Variants in SRGAP1 observed in about 807,000 individuals in gnomAD.
SRGAP1 encodes SLIT-ROBO Rho GTPase-activating protein 1.
SRGAP1 carries 43 observed loss-of-function variants against 121.9 expected under a neutral mutation model. The observed-to-expected ratio is 0.35, with a 90% confidence interval of 0.28 to 0.46. SRGAP1 has a LOEUF of 0.46. SRGAP1 is among the 20% of genes least tolerant of loss of function. The probability of loss-of-function intolerance (pLI) is 1.00; values close to 1 mark genes in which losing one functional copy is unlikely to be tolerated. For missense variants in SRGAP1, 1,102 were observed against 1,350.9 expected, an observed-to-expected ratio of 0.82 and a Z score of 2.89; for synonymous variants, 447 against 485.4, an observed-to-expected ratio of 0.92 and a Z score of 1.04.
At chr12:63,897,828 G>A (rs1444010459) in intron 1 of SRGAP1, among the ~76,000 whole-genome samples, 1 of 152,156 alleles carries the variant, frequency 6.6e-6, no homozygotes, top group Non-Finnish European at 1.5e-5. Flanking sequence ...TTAGCCTTTG[G>A]ATTTGGGGGA....
chr12:63,937,649 T>G (rs2031708455), intron 1 of SRGAP1, among the ~76,000 whole-genome samples: 2 of 152,238 alleles, frequency 1.3e-5, no homozygotes, highest in Admixed American at 6.5e-5. Context: ...TTTTGATTTC[T>G]CTGTGTACAG....
At chr12:64,096,704 C>T (rs1202325781) in intron 14 of SRGAP1, among the ~76,000 whole-genome samples, 1 of 152,160 alleles carries the variant, frequency 6.6e-6, no homozygotes, top group Non-Finnish European at 1.5e-5. Flanking sequence ...TCTGCCTCTG[C>T]TCAAGACAGC....
chr12:64,117,528 C>G (rs572099226), intron 18 of SRGAP1, among the ~76,000 whole-genome samples: 1 of 152,268 alleles, frequency 6.6e-6, no homozygotes, highest in South Asian at 2.1e-4. Context: ...ATTTATCAAT[C>G]TTTTCCTTCA....
At chr12:64,067,740 G>A (rs1220294650) in intron 8 of SRGAP1, among the ~76,000 whole-genome samples, 1 of 152,102 alleles carries the variant, frequency 6.6e-6, no homozygotes, top group Admixed American at 6.5e-5. Context: ...TTCTCTTTGG[G>A]GATGAACTGA....
At chr12:63,851,579 C>T (rs1012808367) in intron 1 of SRGAP1, among the ~76,000 whole-genome samples, 1 of 149,942 alleles carries the variant, frequency 6.7e-6, no homozygotes, top group Non-Finnish European at 1.5e-5. Context: ...GTCTTCTTTT[C>T]TTTCTTTCTT....
At chr12:63,965,570 C>G (rs1474768905) in intron 1 of SRGAP1, among the ~76,000 whole-genome samples, 2 of 152,012 alleles carry the variant, frequency 1.3e-5, no homozygotes, top group Admixed American at 6.5e-5. Flanking sequence ...CTTTGTTAGG[C>G]TGAGGCAGGA....
chr12:63,902,126 G>A (rs1014657078), intron 1 of SRGAP1, among the ~76,000 whole-genome samples: 3 of 152,148 alleles, frequency 2.0e-5, no homozygotes, highest in Non-Finnish European at 2.9e-5. Context: ...ACCAGCCTGG[G>A]CAACATGGTG....
chr12:64,044,415 G>C (rs2035085216), intron 6 of SRGAP1, among the ~76,000 whole-genome samples: 1 of 152,150 alleles, frequency 6.6e-6, no homozygotes, highest in African/African-American at 2.4e-5. Flanking sequence ...TAGAGGTTCA[G>C]AGGGTTATCT....
intron 8 of SRGAP1, among the ~76,000 whole-genome samples, chr12:64,067,631 C>T (rs957147781): frequency 1.7e-4 from 26 of 151,854 alleles, no homozygotes; most frequent in South Asian, 4.2e-4. Flanking sequence ...ATTAGATTTT[C>T]GATAATCAGT....
chr12:64,080,364 G>A lies in SRGAP1; in HGVS notation c.1402G>A (p.Gly468Arg). The change falls in exon 10 of 22, where the codon GGA (glycine) becomes AGA (arginine). Residue 468 changes from glycine to arginine, a missense_variant. Gly to Arg is a moderately radical substitution (Grantham distance 125). This residue lies in a region of SRGAP1 where 747 missense variants were observed against 929.4 expected (regional missense o/e 0.80). Transcript: ENST00000355086. Reference protein sequence around the residue: ...AKHDLLQRTLGEGHRAEYMTT... With the variant: ...AKHDLLQRTLREGHRAEYMTT... ...ACATGACTTGCTGCAGAGGACCCTG[G>A]GAGAAGGTGAGTTATCCAAAATGTA... The A allele has an allele frequency of 1.2e-6, 2 of 1,613,106 alleles. No homozygotes were observed. The highest frequency in any genetic ancestry group is 1.7e-6 in the Non-Finnish European group (2 of 1,179,338).
At chr12:64,130,586 C>G (rs1191420143) in intron 21 of SRGAP1, among the ~76,000 whole-genome samples, 1 of 152,112 alleles carries the variant, frequency 6.6e-6, no homozygotes, top group Non-Finnish European at 1.5e-5. Context: ...GTATTGTCAC[C>G]TAGTTGGTGT....
At position 64,150,264 on chromosome 12, in the gene SRGAP1, C is replaced by G. The variant is rs1233853886; in HGVS notation, c.*7592C>G. On this transcript the variant is annotated 3_prime_UTR_variant, in exon 22 of 22. Transcript: ENST00000355086. ...TGAAGGCAGTTATGGCAGCATGATCCAGGAGATCGTCAGCTCTAGGATATT... is the reference window on the plus strand; with the variant it reads ...TGAAGGCAGTTATGGCAGCATGATCGAGGAGATCGTCAGCTCTAGGATATT... 1 of 152,098 alleles carries G rather than the reference C, an allele frequency of 6.6e-6. No individual in the cohort carries two copies. Among genetic ancestry groups the G allele is most frequent in the African/African-American group, 2.4e-5 (1 of 41,412 alleles). The allele number at this position is 152,098 out of a possible 1,614,324, so 9.4% of individuals were successfully genotyped here.
In SRGAP1 at chr12:64,063,004, G is replaced by T; in HGVS notation, c.889G>T (p.Glu297Ter). ...AEYNLETSRH[E>*]GLDIIENAVD... is the part of the protein sequence containing the mutation. The stretch of plus-strand genomic sequence containing the variant: ...GTACAACCTTGAAACCTCCAGACAT[G>T]AGGGCTTAGACATTATTGAGAATGC... Residue 297 changes from glutamate to a stop codon, truncating the protein, a stop_gained, in exon 7 of 22, where the codon GAG becomes TAG. Transcript: ENST00000355086. LOFTEE classifies it high-confidence loss of function. The T allele has an allele frequency of 6.2e-7, 1 of 1,614,070 alleles. No homozygotes were observed. The highest frequency in any genetic ancestry group is 8.5e-7 in the Non-Finnish European group (1 of 1,179,962).
intron 1 of SRGAP1, among the ~76,000 whole-genome samples, chr12:63,918,302 A>C (rs1304076391): frequency 6.6e-6 from 1 of 152,186 alleles, no homozygotes; most frequent in Non-Finnish European, 1.5e-5. Flanking sequence ...ACGGAAACCC[A>C]GTGAAGTTAA....
intron 1 of SRGAP1, among the ~76,000 whole-genome samples, chr12:63,845,905 C>T (rs546703399): frequency 3.9e-5 from 6 of 152,254 alleles, no homozygotes; most frequent in African/African-American, 1.4e-4. Context: ...GAAAGGGCTA[C>T]GGAGAGAGGC....
At chr12:64,130,125 A>T (rs1269945663) in intron 21 of SRGAP1, among the ~76,000 whole-genome samples, 1 of 152,152 alleles carries the variant, frequency 6.6e-6, no homozygotes, top group Non-Finnish European at 1.5e-5. Context: ...TGGTAATACT[A>T]AGAAACGCCC....
At chr12:64,001,255 A>T (rs1387269224) in intron 3 of SRGAP1, among the ~76,000 whole-genome samples, 1 of 152,238 alleles carries the variant, frequency 6.6e-6, no homozygotes, top group Non-Finnish European at 1.5e-5. Flanking sequence ...TTCTAGATAC[A>T]ACCAAGTTGT....
At chr12:64,014,648 TA>T (rs10714572) in intron 3 of SRGAP1, among the ~76,000 whole-genome samples, 73,066 of 151,890 alleles carry the variant, frequency 0.48, 18,514 homozygotes, top group African/African-American at 0.62. Flanking sequence ...CATCTTGTCC[TA>T]AAGATATTTG....
At chr12:63,879,650 G>GT (rs1235212955) in intron 1 of SRGAP1, among the ~76,000 whole-genome samples, 4 of 152,138 alleles carry the variant, frequency 2.6e-5, no homozygotes, top group African/African-American at 9.7e-5. Context: ...GGAGCACTAA[G>GT]TTGGGGGGAA....
Sources: allele counts gnomAD v4.1 joint callset (sites outside exome capture counted in the v4.1 genomes callset), GRCh38; gene constraint gnomAD v4.1.1; regional missense constraint gnomAD v4.1.1; transcripts MANE v1.5; gene names NCBI Gene and HGNC (gene_info 2026-07-23, HGNC 2026-07-21).